The following AMZ1 variants were observed in gnomAD, a reference collection of about 807,000 sequenced individuals.
AMZ1 encodes the protein archaemetzincin-1.
AMZ1 carries 39 observed loss-of-function variants against 29.9 expected under a neutral mutation model. That is an observed-to-expected ratio of 1.30 (90% CI 1.01 to 1.70). The LOEUF (loss-of-function observed/expected upper bound fraction) is 1.70, where lower values mean the gene tolerates loss of function less well. Among genes scored for constraint, AMZ1 ranks in the 40% most tolerant of loss-of-function variants. The pLI, the probability that AMZ1 is intolerant of heterozygous loss-of-function variation, is 0.00. For synonymous variants in AMZ1, 458 were observed against 304.0 expected, an observed-to-expected ratio of 1.51 and a Z score of -5.27; for missense variants, 1,041 against 680.6, an observed-to-expected ratio of 1.53 and a Z score of -5.89.
chr7:2,743,829 C>G (rs1221390836), intron 4 of AMZ1, among the ~76,000 whole-genome samples: 2 of 152,116 alleles, frequency 1.3e-5, no homozygotes, highest in African/African-American at 2.4e-5. Flanking sequence ...CACCCTAACA[C>G]TGCACTTTCC....
In AMZ1 at chr7:2,715,955, TTCTCG is replaced by T. The variant is rs1246837921; in HGVS notation, c.*3082_*3086del. 17 of 152,250 alleles carry T rather than the reference TTCTCG, an allele frequency of 1.1e-4. No homozygotes were observed. The highest frequency in any genetic ancestry group is 3.3e-4 in the Admixed American group (5 of 15,290). 9.4% of individuals were successfully genotyped at this position (152,250 alleles called of 1,614,324 possible). A position where few individuals can be genotyped will look rare whatever the true frequency, so the allele number is the denominator to read the frequency against. ...CACGTGCAAAGTCCACTGAATTGCTTTCTCGTCTCATCTGTCAGAAGCCCCTGCAT... is the reference window on the plus strand; with the variant it reads ...CACGTGCAAAGTCCACTGAATTGCTTTCTCATCTGTCAGAAGCCCCTGCAT... On this transcript the variant is annotated 3_prime_UTR_variant, in exon 7 of 7. Coordinates refer to ENST00000683327, the MANE Select transcript of AMZ1 (RefSeq NM_001384743.1).
intron 4 of AMZ1, among the ~76,000 whole-genome samples, chr7:2,739,800 G>A (rs55832916): frequency 0.11 from 16,206 of 152,182 alleles, 1,002 homozygotes; most frequent in Middle Eastern, 0.18. Context: ...AGCCTCCCAA[G>A]TAGCTGGATT....
chr7:2,700,833 T>TA, intron 2 of AMZ1, 78 bp downstream of exon 2: 1 of 1,522,928 alleles, frequency 6.6e-7, no homozygotes, highest in South Asian at 1.2e-5. Flanking sequence ...TGTCTGTGCA[T>TA]AGCCCCCAGG....
intron 4 of AMZ1, among the ~76,000 whole-genome samples, chr7:2,752,865 C>T (rs985986055): frequency 6.6e-6 from 1 of 152,122 alleles, no homozygotes; most frequent in Non-Finnish European, 1.5e-5. Context: ...ATATCAGAAC[C>T]AGGGAACTGA....
rs2115232038 is a variant in AMZ1, at chr7:2,718,715, C to G, written c.*5837C>G. ...AGCTCCACTGTCCCTTCTAACAGGA[C>G]AGGGCTTGTGCAGCCGGGCTTGGTC... On this transcript the variant is annotated 3_prime_UTR_variant, in exon 7 of 7. Coordinates refer to ENST00000683327, the MANE Select transcript of AMZ1 (RefSeq NM_001384743.1). Among the ~76,000 whole-genome samples, 1 of 152,320 alleles carries G rather than the reference C, an allele frequency of 6.6e-6. No homozygotes were observed. Among genetic ancestry groups the G allele is most frequent in the Non-Finnish European group, 1.5e-5 (1 of 68,032 alleles).
At chr7:2,720,197 G>A (rs1041319046), downstream of AMZ1, among the ~76,000 whole-genome samples, 2 of 151,916 alleles carry the variant, frequency 1.3e-5, no homozygotes, top group Admixed American at 6.6e-5. Flanking sequence ...CTGCTGACAT[G>A]GACCGGTTCA....
chr7:2,696,349 C>T (rs1028507220), intron 1 of AMZ1, among the ~76,000 whole-genome samples: 2 of 150,710 alleles, frequency 1.3e-5, no homozygotes, highest in Admixed American at 6.6e-5. Flanking sequence ...CTCCGCCTCC[C>T]AGGTTCACGC....
downstream of AMZ1, among the ~76,000 whole-genome samples, chr7:2,720,057 G>T (rs920351847): frequency 2.6e-5 from 4 of 152,230 alleles, no homozygotes; most frequent in African/African-American, 9.6e-5. Context: ...GAATGTGTCT[G>T]TTGAATTCGA....
Position 2,702,829 on chromosome 7 carries a change from G to C in AMZ1, c.412G>C (p.Ala138Pro), listed in dbSNP as rs754273996. ...CAAGTGCCTGCCGTCGGTGGCAGCC[G>C]CGTCCATCCGCTGCTCCTCGCGGCC... ...RVKCLPSVAA[A>P]SIRCSSRPSR... Residue 138 changes from alanine (A) to proline (P), a missense_variant, in exon 3 of 7, where the codon GCG (alanine) becomes CCG (proline). Transcript: ENST00000683327. The C allele has an allele frequency of 3.2e-6, 5 of 1,569,254 alleles. No homozygotes were observed. The highest frequency in any genetic ancestry group is 4.3e-6 in the Non-Finnish European group (5 of 1,162,724).
At chr7:2,741,103 ATTC>A (rs1790478809) in intron 4 of AMZ1, among the ~76,000 whole-genome samples, 1 of 152,092 alleles carries the variant, frequency 6.6e-6, no homozygotes, top group South Asian at 2.1e-4. Context: ...ATAGATTTAG[ATTC>A]TTCATTTGTA....
At chr7:2,701,387 G>GTA (rs1562365403) in intron 2 of AMZ1, among the ~76,000 whole-genome samples, 11 of 152,082 alleles carry the variant, frequency 7.2e-5, no homozygotes, top group Non-Finnish European at 1.2e-4. Context: ...ATTTGACCCT[G>GTA]GGGCTGGGGT....
At chr7:2,751,896 G>C (rs921137124) in intron 4 of AMZ1, among the ~76,000 whole-genome samples, 1 of 152,164 alleles carries the variant, frequency 6.6e-6, no homozygotes. Context: ...GAAAACTCCA[G>C]GCCTAGATGA....
chr7:2,761,425 A>G (rs1791549973), upstream of AMZ1, among the ~76,000 whole-genome samples: 2 of 152,240 alleles, frequency 1.3e-5, no homozygotes, highest in South Asian at 4.1e-4. Flanking sequence ...GGCTGACTTC[A>G]TGGCAGAATT....
exon 1 of AMZ1, chr7:2,764,790 G>A (rs897679437): frequency 3.9e-5 from 6 of 152,228 alleles, no homozygotes; most frequent in African/African-American, 7.2e-5. Context: ...TTCTCCCAGC[G>A]TGAGCCGGCG....
At position 2,712,356 on chromosome 7, in the gene AMZ1, G is replaced by C. The variant is rs771675764; in HGVS notation, c.975G>C (p.Val325=). ...YQRLYTWTQA[V]VGTWPSQEAG... is the part of the protein sequence containing the mutation. ...GACTCTACACCTGGACTCAGGCGGTGGTGGGGACGTGGCCCAGCCAGGAGG... is the reference window on the plus strand; with the variant it reads ...GACTCTACACCTGGACTCAGGCGGTCGTGGGGACGTGGCCCAGCCAGGAGG... The change falls in exon 7 of 7, where the codon GTG becomes GTC. Residue 325 remains valine (V), a synonymous_variant. Coordinates refer to ENST00000683327, the MANE Select transcript of AMZ1 (RefSeq NM_001384743.1). The C allele has an allele frequency of 1.3e-5, 20 of 1,598,894 alleles. No homozygotes were observed. The highest frequency in any genetic ancestry group is 1.7e-5 in the Non-Finnish European group (20 of 1,172,330).
At chr7:2,732,676 A>T (rs761939227) in intron 4 of AMZ1, among the ~76,000 whole-genome samples, 3 of 152,218 alleles carry the variant, frequency 2.0e-5, no homozygotes, top group Non-Finnish European at 4.4e-5. Context: ...TAGAGGTCTG[A>T]CTACCACCCA....
Position 2,731,561 on chromosome 7 carries a change from C to T in AMZ1, n.550+21745C>T. 1.9e-6 allele frequency: 3 copies of T among 1,611,332 alleles called. No homozygotes were observed. Among genetic ancestry groups the T allele is most frequent in the Non-Finnish European group, 1.7e-6 (2 of 1,178,062 alleles). ...TCCTCCATGAGGACCTGGTCGTACTCGCTGGAGGAGACCATGAACAGGATG... is the reference window on the plus strand; with the variant it reads ...TCCTCCATGAGGACCTGGTCGTACTTGCTGGAGGAGACCATGAACAGGATG... On this transcript the variant is annotated intron_variant and non_coding_transcript_variant, in intron 4 of 4. Transcript: ENST00000489665. The surrounding 1 kb of genome is among the most constrained non-coding windows in gnomAD (Gnocchi z 6.0).
At chr7:2,757,966 C>G (rs1300420968) in intron 4 of AMZ1, among the ~76,000 whole-genome samples, 1 of 152,188 alleles carries the variant, frequency 6.6e-6, no homozygotes, top group Non-Finnish European at 1.5e-5. Context: ...CTTCCCTCCC[C>G]CTGCAAATGT....
intron 4 of AMZ1, among the ~76,000 whole-genome samples, chr7:2,754,122 C>T (rs970647946): frequency 6.6e-6 from 1 of 152,186 alleles, no homozygotes; most frequent in African/African-American, 2.4e-5. Flanking sequence ...AGTATCCTCA[C>T]CAGCATTTGT....
Sources: allele counts gnomAD v4.1 joint callset (sites outside exome capture counted in the v4.1 genomes callset), GRCh38; gene constraint gnomAD v4.1.1; non-coding constraint Gnocchi (gnomAD v3.1); transcripts MANE v1.5; gene names NCBI Gene and HGNC (gene_info 2026-07-23, HGNC 2026-07-21).